TYW3: variants seen among roughly 807,000 people sequenced by gnomAD.
The protein encoded by TYW3 is tRNA wybutosine-synthesizing protein 3 homolog.
In TYW3, 26 loss-of-function variants were observed where a neutral mutation model predicts 23.1. The ratio of observed to expected loss-of-function variants is 1.13; its 90% CI spans 0.83 to 1.56. TYW3 has a LOEUF of 1.56. Among genes scored for constraint, TYW3 ranks in the 40% most tolerant of loss-of-function variants. TYW3 has a pLI of 0.00. For synonymous variants in TYW3, 102 were observed against 105.7 expected (o/e 0.97, Z 0.21); for missense variants, 316 against 311.9 (o/e 1.01, Z -0.10).
chr1:74,757,131 C>T (rs1173114811), intron 5 of TYW3, among the ~76,000 whole-genome samples: 1 of 152,228 alleles, frequency 6.6e-6, no homozygotes, highest in Non-Finnish European at 1.5e-5. Flanking sequence ...TCATGGAGAA[C>T]CTCTGCTAGG....
chr1:74,736,613 AGAT>A lies in TYW3; in HGVS notation c.251_253del (p.Asp84del). ...TGGTTACACACAAACTTTGTGTAAA[AGAT>A]GATGTGGTAAGTTTTAAAAAATAAA... is the stretch of plus-strand genomic sequence containing the variant. On this transcript the variant is annotated inframe_deletion, in exon 2 of 6. Coordinates refer to ENST00000370867, the MANE Select transcript of TYW3 (RefSeq NM_138467.3). The A allele has an allele frequency of 6.3e-7, 1 of 1,599,070 alleles. No individual in the cohort carries two copies. The highest frequency in any genetic ancestry group is 8.5e-7 in the Non-Finnish European group (1 of 1,172,746).
intron 5 of TYW3, 96 bp downstream of exon 5, chr1:74,752,521 T>G: frequency 1.9e-6 from 2 of 1,056,256 alleles, no homozygotes; most frequent in Middle Eastern, 5.6e-4. Flanking sequence ...TGCCAACTGC[T>G]TATCTATTTG....
chr1:74,756,747 C>T (rs1382797818), intron 5 of TYW3, among the ~76,000 whole-genome samples: 1 of 152,174 alleles, frequency 6.6e-6, no homozygotes, highest in African/African-American at 2.4e-5. Context: ...ATGTTAATCC[C>T]CAAGGCAATG....
intron 5 of TYW3, among the ~76,000 whole-genome samples, chr1:74,762,828 A>G (rs1649174745): frequency 6.6e-6 from 1 of 152,142 alleles, no homozygotes; most frequent in Admixed American, 6.5e-5. Flanking sequence ...TGCCTGCTGC[A>G]GGCTACTGTG....
At chr1:74,740,526 G>T (rs375267008) in intron 3 of TYW3, among the ~76,000 whole-genome samples, 1 of 152,196 alleles carries the variant, frequency 6.6e-6, no homozygotes, top group Non-Finnish European at 1.5e-5. Flanking sequence ...CTGATTGGTC[G>T]CTTTTACAGA....
intron 5 of TYW3, among the ~76,000 whole-genome samples, chr1:74,762,181 G>A (rs1297260226): frequency 1.3e-5 from 2 of 152,122 alleles, no homozygotes; most frequent in Non-Finnish European, 2.9e-5. Flanking sequence ...TGGACAGGAT[G>A]TGTACTCATC....
chr1:74,754,403 T>G (rs973672096), intron 5 of TYW3, among the ~76,000 whole-genome samples: 4 of 152,188 alleles, frequency 2.6e-5, no homozygotes, highest in African/African-American at 9.6e-5. Context: ...AAAAATGTCT[T>G]AAGATACTGA....
chr1:74,756,023 C>T (rs1176806105), intron 5 of TYW3, among the ~76,000 whole-genome samples: 3 of 152,202 alleles, frequency 2.0e-5, no homozygotes, highest in Non-Finnish European at 4.4e-5. Flanking sequence ...CACAAGTTCT[C>T]TTCACTTGCC....
chr1:74,754,139 CTGTT>C (rs1236359611), intron 5 of TYW3, among the ~76,000 whole-genome samples: 2 of 152,172 alleles, frequency 1.3e-5, no homozygotes, highest in East Asian at 3.8e-4. Context: ...TCCAGTGAGA[CTGTT>C]TGCTAAAACA....
At chr1:74,751,730 C>G (rs525495) in intron 4 of TYW3, among the ~76,000 whole-genome samples, 152,054 of 152,286 alleles carry the variant, frequency 1, 75,913 homozygotes, top group East Asian at 1. Flanking sequence ...TTTTTATAGA[C>G]CTTGTATGGT....
intron 5 of TYW3, among the ~76,000 whole-genome samples, chr1:74,757,194 G>A (rs1392593185): frequency 2.6e-5 from 4 of 152,186 alleles, no homozygotes; most frequent in Admixed American, 1.3e-4. Context: ...GTCCCTACTC[G>A]GGCAATGCCT....
At chr1:74,752,030 T>C (rs1648802353) in intron 4 of TYW3, among the ~76,000 whole-genome samples, 4 of 152,222 alleles carry the variant, frequency 2.6e-5, no homozygotes, top group Admixed American at 2.6e-4. Context: ...TTAAAAGTTA[T>C]TTGATTCTTT....
intron 3 of TYW3, among the ~76,000 whole-genome samples, chr1:74,746,066 C>G (rs978670488): frequency 1.3e-5 from 2 of 152,192 alleles, no homozygotes; most frequent in Non-Finnish European, 2.9e-5. Flanking sequence ...AATTTTGAAG[C>G]CCTGTAGACA....
Position 74,765,846 on chromosome 1 carries a change from C to T in TYW3, c.*1733C>T, listed in dbSNP as rs1430741941. 2 of 152,048 alleles carry T rather than the reference C, an allele frequency of 1.3e-5. No individual in the cohort carries two copies. Among genetic ancestry groups the T allele is most frequent in the Admixed American group, 1.3e-4 (2 of 15,264 alleles). The allele number at this position is 152,048 out of a possible 1,614,324, so 9.4% of individuals were successfully genotyped here. On this transcript the variant is annotated 3_prime_UTR_variant, in exon 6 of 6. Transcript: ENST00000370867. ...TGAATGAGAATTAAGAAGAGAGGGG[C>T]TGCTTCCTAATCTGTTTATATAAGG...
intron 5 of TYW3, among the ~76,000 whole-genome samples, chr1:74,759,058 A>G (rs1649046613): frequency 6.6e-6 from 1 of 152,246 alleles, no homozygotes; most frequent in Admixed American, 6.5e-5. Flanking sequence ...ATGTTCACAA[A>G]TTTAGTTGAC....
chr1:74,743,439 G>A (rs1424256180), intron 3 of TYW3, among the ~76,000 whole-genome samples: 2 of 152,108 alleles, frequency 1.3e-5, no homozygotes, highest in Non-Finnish European at 2.9e-5. Context: ...ACCTGCAGCT[G>A]ATTAGATAAT....
chr1:74,733,189 A>C lies in TYW3; in HGVS notation c.-56A>C, dbSNP rs1288989902. On this transcript the variant is annotated 5_prime_UTR_variant, in exon 1 of 6. Coordinates refer to ENST00000370867, the MANE Select transcript of TYW3 (RefSeq NM_138467.3). ...CGCTCGCTTCAATATGGCTGCCCCC[A>C]GGGAGAGACGAGGCTACCATGAAGG... The C allele has an allele frequency of 1.3e-6, 2 of 1,590,112 alleles. No individual in the cohort carries two copies.
chr1:74,740,353 A>G (rs1385747770), intron 3 of TYW3, among the ~76,000 whole-genome samples: 1 of 152,186 alleles, frequency 6.6e-6, no homozygotes, highest in African/African-American at 2.4e-5. Flanking sequence ...GTGAGTGTTA[A>G]CAGCTCATAA....
intron 5 of TYW3, among the ~76,000 whole-genome samples, chr1:74,759,945 A>C (rs932759279): frequency 6.6e-5 from 10 of 152,170 alleles, no homozygotes; most frequent in Non-Finnish European, 1.3e-4. Context: ...CACCTGGCTG[A>C]CATATGACTT....
Sources: allele counts gnomAD v4.1 joint callset (sites outside exome capture counted in the v4.1 genomes callset), GRCh38; gene constraint gnomAD v4.1.1; transcripts MANE v1.5; gene names NCBI Gene and HGNC (gene_info 2026-07-23, HGNC 2026-07-21).